CNTN4: variants seen among roughly 807,000 people sequenced by gnomAD.
CNTN4 encodes contactin-4.
A neutral mutation model predicts 122.5 loss-of-function variants in CNTN4; 77 were observed. The ratio of observed to expected loss-of-function variants is 0.63; its 90% CI spans 0.52 to 0.76. The LOEUF is 0.76. Among genes scored for constraint, CNTN4 ranks in the 30% least tolerant of loss-of-function variants. The pLI is 0.00. For missense variants in CNTN4, 1,256 were observed against 1,259.1 expected, an observed-to-expected ratio of 1.00 and a Z score of 0.04; for synonymous variants, 512 against 447.0, an observed-to-expected ratio of 1.15 and a Z score of -1.83.
At chr3:2,758,517 C>CTTTTTTTTTTTT (rs34531341) in intron 6 of CNTN4, among the ~76,000 whole-genome samples, 2 of 124,262 alleles carry the variant, frequency 1.6e-5, no homozygotes, top group Non-Finnish European at 1.6e-5. Flanking sequence ...CAACACCATA[C>CTTTTTTTTTTTT]TTTTTTTTTT....
In CNTN4 at chr3:2,819,655, C is replaced by T. The variant is rs547548105; in HGVS notation, c.454+74C>T. The T allele has an allele frequency of 7.0e-6, 8 of 1,137,556 alleles. No homozygotes were observed. The African/African-American group carries it at 9.1e-5, about 13-fold the overall frequency. 70.5% of individuals were successfully genotyped at this position (1,137,556 alleles called of 1,614,324 possible). A position where few individuals can be genotyped will look rare whatever the true frequency, so the allele number is the denominator to read the frequency against. On this transcript the variant is annotated intron_variant, in intron 7 of 24. Transcript: ENST00000418658. ...TCTTCCTCAATGTTCTCCCTCCTGA[C>T]ACCAGCTGAGTGCACAGTGTCATTT...
At chr3:2,854,268 C>CTTTTTTTTTTTTTTTTTTTTTTTTTTT (rs56147510) in intron 7 of CNTN4, among the ~76,000 whole-genome samples, 3 of 90,050 alleles carry the variant, frequency 3.3e-5, no homozygotes, top group Non-Finnish European at 6.1e-5. Flanking sequence ...CTTTCTTCTT[C>CTTTTTTTTTTTTTTTTTTTTTTTTTTT]TTTTTTTTTT....
intron 16 of CNTN4, 152 bp from the exon 17 acceptor site, chr3:3,034,480 C>A: frequency 1.2e-6 from 1 of 811,452 alleles, no homozygotes; most frequent in Non-Finnish European, 2.0e-6. Context: ...AAGTTCCAAG[C>A]ACGTAGTAGG....
At chr3:2,338,584 G>A (rs116682551) in intron 2 of CNTN4, among the ~76,000 whole-genome samples, 2,450 of 151,842 alleles carry the variant, frequency 0.016, 26 homozygotes, top group Non-Finnish European at 0.024. Context: ...TTTATTCTAC[G>A]TAAAATTAAG....
At chr3:2,201,405 G>A (rs1454298413) in intron 2 of CNTN4, among the ~76,000 whole-genome samples, 1 of 152,204 alleles carries the variant, frequency 6.6e-6, no homozygotes. Flanking sequence ...CTAGGTGAAT[G>A]CATACATTAG....
chr3:2,286,598 T>A (rs2041911414), intron 2 of CNTN4, among the ~76,000 whole-genome samples: 1 of 152,176 alleles, frequency 6.6e-6, no homozygotes, highest in African/African-American at 2.4e-5. Context: ...GTTGTATTAA[T>A]GCATGAGTGA....
intron 3 of CNTN4, among the ~76,000 whole-genome samples, chr3:2,389,160 C>G (rs78569785): frequency 6.9e-6 from 1 of 145,750 alleles, no homozygotes; most frequent in Non-Finnish European, 1.5e-5. Flanking sequence ...GACTCCATCT[C>G]AAAAAAAAAA....
In CNTN4 at chr3:2,174,326, C is replaced by T. The variant is rs549549351; in HGVS notation, c.-145+73687C>T. Among the ~76,000 whole-genome samples, 26 of 152,260 alleles carry T rather than the reference C, an allele frequency of 1.7e-4. 2 individuals carry two copies. The South Asian group carries it at 5.4e-3, about 32-fold the overall frequency. On this transcript the variant is annotated intron_variant, in intron 2 of 24. Transcript: ENST00000418658. The stretch of plus-strand genomic sequence containing the variant: ...ATAAATATGCATACATGTCTTAGTT[C>T]ATTCATGCTTCTCTAACAGCATAAC...
chr3:2,354,847 C>T (rs1398156700), intron 3 of CNTN4, among the ~76,000 whole-genome samples: 1 of 152,140 alleles, frequency 6.6e-6, no homozygotes, highest in Non-Finnish European at 1.5e-5. Flanking sequence ...AGGTGAGAAT[C>T]CCACTTGACA....
intron 14 of CNTN4, among the ~76,000 whole-genome samples, chr3:2,993,496 A>C (rs948767873): frequency 1.3e-5 from 2 of 151,760 alleles, no homozygotes; most frequent in African/African-American, 2.4e-5. Flanking sequence ...ACAGGGTTTC[A>C]CCATGTTGGT....
chr3:2,274,273 C>T (rs2041413940), intron 2 of CNTN4, among the ~76,000 whole-genome samples: 1 of 152,088 alleles, frequency 6.6e-6, no homozygotes, highest in South Asian at 2.1e-4. Context: ...ATCTCAGCTA[C>T]TCGGGAGACT....
chr3:2,488,068 T>C (rs1351992321), intron 3 of CNTN4, among the ~76,000 whole-genome samples: 2 of 152,196 alleles, frequency 1.3e-5, no homozygotes, highest in Non-Finnish European at 2.9e-5. Context: ...GCAATTAAAC[T>C]ATATATAGTT....
intron 4 of CNTN4, among the ~76,000 whole-genome samples, chr3:2,724,394 T>A (rs2088069817): frequency 6.6e-6 from 1 of 152,112 alleles, no homozygotes; most frequent in South Asian, 2.1e-4. Context: ...GATAGCCCTA[T>A]CTCCTAAGAA....
chr3:2,927,505 A>G (rs575993323), intron 13 of CNTN4: 31 of 303,040 alleles, frequency 1.0e-4, no homozygotes, highest in South Asian at 9.4e-4. Flanking sequence ...GCAGGGAAAT[A>G]TAATCTTGCT....
chr3:2,504,508 A>G (rs561385669), intron 3 of CNTN4, among the ~76,000 whole-genome samples: 2 of 152,286 alleles, frequency 1.3e-5, no homozygotes, highest in South Asian at 2.1e-4. Flanking sequence ...AGATGAGTTA[A>G]TTATACAGAT....
intron 7 of CNTN4, among the ~76,000 whole-genome samples, chr3:2,856,439 A>C (rs567746798): frequency 6.6e-6 from 1 of 152,232 alleles, no homozygotes; most frequent in Non-Finnish European, 1.5e-5. Flanking sequence ...AAGAGAGTGC[A>C]CAAGCCTTGT....
At chr3:2,837,961 T>A (rs1165170974) in intron 7 of CNTN4, among the ~76,000 whole-genome samples, 1 of 152,214 alleles carries the variant, frequency 6.6e-6, no homozygotes, top group Non-Finnish European at 1.5e-5. Context: ...TTAATATAAG[T>A]CATCTCATCA....
intron 4 of CNTN4, among the ~76,000 whole-genome samples, chr3:2,576,414 A>T (rs2079687249): frequency 6.6e-6 from 1 of 152,234 alleles, no homozygotes; most frequent in Non-Finnish European, 1.5e-5. Context: ...CTATGATGCT[A>T]ATCCATACAT....
intron 2 of CNTN4, among the ~76,000 whole-genome samples, chr3:2,256,440 G>T (rs1389007625): frequency 6.6e-6 from 1 of 152,082 alleles, no homozygotes; most frequent in Non-Finnish European, 1.5e-5. Context: ...AACTCATTTT[G>T]TGAGGTCAGC....
Sources: allele counts gnomAD v4.1 joint callset (sites outside exome capture counted in the v4.1 genomes callset), GRCh38; gene constraint gnomAD v4.1.1; transcripts MANE v1.5; gene names NCBI Gene and HGNC (gene_info 2026-07-23, HGNC 2026-07-21).